TSPAN16: variants seen among roughly 807,000 people sequenced by gnomAD.
TSPAN16 encodes the protein tetraspanin-16.
In TSPAN16, 23 loss-of-function variants were observed where a neutral mutation model predicts 25.2. The ratio of observed to expected loss-of-function variants is 0.91; its 90% CI spans 0.66 to 1.29. The LOEUF is 1.29. Ranked by LOEUF, TSPAN16 falls within the 50% of genes most tolerant of loss-of-function variation. The pLI is 0.00. For synonymous variants in TSPAN16, 123 were observed against 124.4 expected (o/e 0.99, Z 0.08); for missense variants, 272 against 299.9 (o/e 0.91, Z 0.69).
At chr19:11,306,492 C>A in intron 4 of TSPAN16, 112 bp from the exon 5 acceptor site, 1 of 1,297,770 alleles carries the variant, frequency 7.7e-7, no homozygotes, top group Non-Finnish European at 1.1e-6. Context: ...GGATGTTTAG[C>A]ACAGTCTCTG....
At chr19:11,319,877 C>T (rs1183550172), downstream of TSPAN16, among the ~76,000 whole-genome samples, 10 of 152,172 alleles carry the variant, frequency 6.6e-5, no homozygotes, top group African/African-American at 2.4e-4. Context: ...TGCAGTGACG[C>T]GATCTTGGCT....
chr19:11,300,371 G>A (rs2080531044), intron 3 of TSPAN16, among the ~76,000 whole-genome samples: 1 of 152,174 alleles, frequency 6.6e-6, no homozygotes, highest in Admixed American at 6.6e-5. Flanking sequence ...CTGGGATATT[G>A]ATCCACCAAC....
At chr19:11,297,009 C>T (rs1376578763) in intron 1 of TSPAN16, among the ~76,000 whole-genome samples, 1 of 152,074 alleles carries the variant, frequency 6.6e-6, no homozygotes, top group Non-Finnish European at 1.5e-5. Flanking sequence ...TCACTGCACT[C>T]CAGCCTGGGC....
In TSPAN16 at chr19:11,306,607, A is replaced by C. The variant is rs780884851; in HGVS notation, c.454A>C (p.Lys152Gln). 6.2e-7 allele frequency: 1 copy of C among 1,613,296 alleles called. No individual in the cohort carries two copies. Among genetic ancestry groups the C allele is most frequent in the Non-Finnish European group, 8.5e-7 (1 of 1,179,952 alleles). The change falls in exon 5 of 7, where the codon AAG becomes CAG. Residue 152 changes from lysine (K) to glutamine (Q), a missense_variant. Transcript: ENST00000590327. ...GTATTTCTTCTCCTCTCTATAGCTA[A>C]AGTGCTGTGGGGTGAATAACTACAC... ...TQWNLVMEKL[K>Q]CCGVNNYTDF...
chr19:11,320,344 A>C (rs1387194345), downstream of TSPAN16, among the ~76,000 whole-genome samples: 1 of 148,438 alleles, frequency 6.7e-6, no homozygotes, highest in Non-Finnish European at 1.5e-5. Flanking sequence ...CTGATCTCAA[A>C]CTCCTGACCT....
intron 6 of TSPAN16, chr19:11,321,296 T>C (rs1263945036): frequency 6.6e-6 from 1 of 152,092 alleles, no homozygotes; most frequent in Non-Finnish European, 1.5e-5. Flanking sequence ...CCAGATACCT[T>C]CTTCACAAGG....
intron 5 of TSPAN16, among the ~76,000 whole-genome samples, chr19:11,311,143 A>C: frequency 6.6e-6 from 1 of 152,036 alleles, no homozygotes; most frequent in East Asian, 1.9e-4. Flanking sequence ...AGCCTTATTA[A>C]TTCTTTATTT....
chr19:11,302,622 AAT>A (rs1217671620), intron 4 of TSPAN16, among the ~76,000 whole-genome samples: 6 of 142,934 alleles, frequency 4.2e-5, no homozygotes, highest in African/African-American at 7.7e-5. Flanking sequence ...TATGTATATA[AAT>A]ATATATATAC....
chr19:11,296,582 T>G (rs77118420), intron 1 of TSPAN16, among the ~76,000 whole-genome samples: 2,207 of 152,266 alleles, frequency 0.014, 41 homozygotes, highest in African/African-American at 0.05. Context: ...ATGAGTGTGA[T>G]CTGGGGGAGC....
intron 4 of TSPAN16, among the ~76,000 whole-genome samples, chr19:11,303,825 C>T (rs541596315): frequency 1.3e-5 from 2 of 151,572 alleles, no homozygotes; most frequent in African/African-American, 4.9e-5. Flanking sequence ...ACTCTGTCAC[C>T]CAAGTTGGAG....
At chr19:11,324,054 T>TC (rs371075512) in intron 6 of TSPAN16, 4 of 150,888 alleles carry the variant, frequency 2.7e-5, no homozygotes, top group African/African-American at 4.9e-5. Context: ...TCACAGTCCA[T>TC]CCCCCCCATT....
intron 6 of TSPAN16, chr19:11,324,579 C>G (rs2080800265): frequency 6.6e-6 from 1 of 152,646 alleles, no homozygotes; most frequent in Non-Finnish European, 1.5e-5. Flanking sequence ...TGGCCGAAAG[C>G]CCAGAGCCGG....
rs1568285672 is a variant in TSPAN16 at position 11,298,858 on chromosome 19, CGT to C, written c.268-9_268-8del. 1.2e-6 allele frequency: 2 copies of C among 1,613,400 alleles called. No homozygotes were observed. Among genetic ancestry groups the C allele is most frequent in the South Asian group, 1.1e-5 (1 of 91,060 alleles). On this transcript the variant is annotated splice_polypyrimidine_tract_variant and intron_variant, in intron 2 of 6. Transcript: ENST00000590327. Reference sequence around the variant, plus strand: ...AGCAGGCTCCCAGGCCCTCTCTCCCCGTGTGTCTTTTAGTGCATCCTGTCAAT... The same window carrying C: ...AGCAGGCTCCCAGGCCCTCTCTCCCCGTGTCTTTTAGTGCATCCTGTCAAT...
chr19:11,298,226 G>T lies in TSPAN16; in HGVS notation c.154G>T (p.Ala52Ser). 1 of 1,614,148 alleles carries T rather than the reference G, an allele frequency of 6.2e-7. No homozygotes were observed. Among genetic ancestry groups the T allele is most frequent in the Non-Finnish European group, 8.5e-7 (1 of 1,180,032 alleles). Residue 52 changes from alanine (A) to serine (S), a missense_variant, in exon 2 of 7, where the codon GCA becomes TCA. Transcript: ENST00000590327. Reference sequence around the variant, plus strand: ...GACGAATGTCCTCGGGCTGTCCTCCGCATACCTCCTTCACGTTGGCAACCT... The same window carrying T: ...GACGAATGTCCTCGGGCTGTCCTCCTCATACCTCCTTCACGTTGGCAACCT... ...SLTNVLGLSS[A>S]YLLHVGNLCL...
At chr19:11,298,762 G>A in intron 2 of TSPAN16, 110 bp from the exon 3 acceptor site, 4 of 989,840 alleles carry the variant, frequency 4.0e-6, no homozygotes, top group Non-Finnish European at 6.5e-6. Context: ...AGGCCAGGGT[G>A]GCCTGGGGTG....
chr19:11,312,436 A>G (rs1010946036), intron 6 of TSPAN16: 3 of 385,960 alleles, frequency 7.8e-6, no homozygotes, highest in South Asian at 1.4e-4. Flanking sequence ...AATGGAGAAC[A>G]TCAATAAAAC....
chr19:11,312,054 T>A, intron 5 of TSPAN16, 85 bp from the exon 6 acceptor site: 1 of 950,842 alleles, frequency 1.1e-6, no homozygotes, highest in Non-Finnish European at 1.6e-6. Flanking sequence ...GTCGTCTGAG[T>A]GGCCTAATGA....
At chr19:11,312,099 C>T (rs1163731288) in intron 5 of TSPAN16, 40 bp from the exon 6 acceptor site, 4 of 1,544,450 alleles carry the variant, frequency 2.6e-6, no homozygotes, top group Non-Finnish European at 3.6e-6. Context: ...TCCATAAGCC[C>T]CTAACCACCT....
Position 11,296,192 on chromosome 19 carries a change from C to A in TSPAN16, c.-106C>A. 2 of 1,210,124 alleles carry A rather than the reference C, an allele frequency of 1.7e-6. No homozygotes were observed. Among genetic ancestry groups the A allele is most frequent in the South Asian group, 1.4e-5 (1 of 73,796 alleles). 75.0% of individuals were successfully genotyped at this position (1,210,124 alleles called of 1,614,324 possible). Reference sequence around the variant, plus strand: ...CAGGACACAGAGGGGCAGAGCAAGTCAGCATTGGCGCCCCTTCCTCAGATC... The same window carrying A: ...CAGGACACAGAGGGGCAGAGCAAGTAAGCATTGGCGCCCCTTCCTCAGATC... On this transcript the variant is annotated 5_prime_UTR_variant, in exon 1 of 7. Coordinates refer to ENST00000590327, the MANE Select transcript of TSPAN16 (RefSeq NM_001282509.2).
Sources: gnomAD v4.1 joint callset for allele counts (sites outside exome capture counted in the v4.1 genomes callset) on GRCh38, gnomAD v4.1.1 for gene constraint, MANE v1.5 for transcripts, NCBI Gene and HGNC (gene_info 2026-07-23, HGNC 2026-07-21) for gene names.